The following SLC44A5 variants were observed in gnomAD, a reference collection of about 807,000 sequenced individuals.
SLC44A5 encodes the protein solute carrier family 44 member 5, also known as choline transporter-like protein 5.
SLC44A5 carries 57 observed loss-of-function variants against 101.8 expected under a neutral mutation model. The ratio of observed to expected loss-of-function variants is 0.56; its 90% CI spans 0.45 to 0.70. SLC44A5 has a LOEUF of 0.70. SLC44A5 is among the 30% of genes least tolerant of loss of function. The probability of loss-of-function intolerance (pLI) is 0.00; values close to 1 mark genes in which losing one functional copy is unlikely to be tolerated. For synonymous variants in SLC44A5, 281 were observed against 290.9 expected, an observed-to-expected ratio of 0.97 and a Z score of 0.35; for missense variants, 737 against 853.1, an observed-to-expected ratio of 0.86 and a Z score of 1.70.
chr1:75,285,890 G>C (rs549253970), intron 5 of SLC44A5, among the ~76,000 whole-genome samples: 3 of 151,902 alleles, frequency 2.0e-5, no homozygotes, highest in Admixed American at 6.6e-5. Flanking sequence ...GTGGCCTATC[G>C]TATGGTCTAT....
At chr1:75,654,434 A>G in the SLC44A5 span, among the ~76,000 whole-genome samples, 2 of 152,194 alleles carry the variant, frequency 1.3e-5, no homozygotes, top group Admixed American at 6.5e-5. Context: ...CATGTTGCAC[A>G]TTCCAAGCAC....
At chr1:75,415,964 T>A (rs1044359609) in intron 2 of SLC44A5, among the ~76,000 whole-genome samples, 1 of 152,098 alleles carries the variant, frequency 6.6e-6, no homozygotes, top group East Asian at 1.9e-4. Flanking sequence ...AAGCAGAGCA[T>A]AAAAGTTCAG....
chr1:75,456,689 T>G (rs1000827900), intron 2 of SLC44A5, among the ~76,000 whole-genome samples: 3 of 152,194 alleles, frequency 2.0e-5, no homozygotes, highest in African/African-American at 7.2e-5. Context: ...GTTTTATTGT[T>G]TTTAAGAATT....
intron 2 of SLC44A5, among the ~76,000 whole-genome samples, chr1:75,415,305 G>A (rs192969815): frequency 6.6e-6 from 1 of 152,110 alleles, no homozygotes; most frequent in Non-Finnish European, 1.5e-5. Flanking sequence ...TGGGACTGAC[G>A]AGATCTGATG....
chr1:75,722,271 C>T, the SLC44A5 span, among the ~76,000 whole-genome samples: 2 of 152,138 alleles, frequency 1.3e-5, no homozygotes, highest in East Asian at 1.9e-4. Context: ...AGTAGAGGTT[C>T]CTCTTCAAAT....
At chr1:75,221,902 G>A (rs1647089058) in intron 14 of SLC44A5, among the ~76,000 whole-genome samples, 1 of 151,460 alleles carries the variant, frequency 6.6e-6, no homozygotes, top group South Asian at 2.1e-4. Context: ...GTGACAGAGT[G>A]TGAACTTGAA....
chr1:75,205,508 CAT>C (rs1294330911), intron 23 of SLC44A5: 1 of 152,200 alleles, frequency 6.6e-6, no homozygotes, highest in Non-Finnish European at 1.5e-5. Flanking sequence ...AAAACTTACA[CAT>C]GACTATCAGA....
At chr1:75,535,951 G>T (rs1448669413) in intron 2 of SLC44A5, among the ~76,000 whole-genome samples, 1 of 151,328 alleles carries the variant, frequency 6.6e-6, no homozygotes, top group African/African-American at 2.4e-5. Context: ...GTCCATGCCT[G>T]TAATCTCAAC....
intron 2 of SLC44A5, among the ~76,000 whole-genome samples, chr1:75,447,824 GT>G (rs1271171212): frequency 6.6e-6 from 1 of 151,876 alleles, no homozygotes; most frequent in Admixed American, 6.6e-5. Flanking sequence ...ATATATCTAG[GT>G]TTCAGTAAGT....
At chr1:75,394,718 GCA>G (rs1347105702) in intron 3 of SLC44A5, among the ~76,000 whole-genome samples, 1 of 152,076 alleles carries the variant, frequency 6.6e-6, no homozygotes, top group Non-Finnish European at 1.5e-5. Flanking sequence ...CCCATTGTTA[GCA>G]CAGTTAAGCT....
rs537101168 is a variant in SLC44A5, at chr1:75,518,343, T to C, written c.13+23092A>G. 2.4e-4 allele frequency among the ~76,000 whole-genome samples: 36 copies of C among 152,348 alleles called. No individual in the cohort carries two copies. In the East Asian group the frequency reaches 6.9e-3, roughly 29 times the overall value. ...TATTTATAATACATATAAATAGGCA[T>C]ATATTGAATAATTTCTTTAGAGAAA... is the stretch of plus-strand genomic sequence containing the variant. On this transcript the variant is annotated intron_variant, in intron 2 of 23. Coordinates refer to ENST00000370859, the MANE Select transcript of SLC44A5 (RefSeq NM_001130058.2).
intron 6 of SLC44A5, among the ~76,000 whole-genome samples, chr1:75,261,635 T>C (rs942597031): frequency 6.6e-6 from 1 of 152,000 alleles, no homozygotes; most frequent in African/African-American, 2.4e-5. Flanking sequence ...TTTCAAACAA[T>C]AGAAAAAGAG....
At chr1:75,241,475 C>A (rs533455186) in intron 9 of SLC44A5, among the ~76,000 whole-genome samples, 22 of 152,096 alleles carry the variant, frequency 1.4e-4, no homozygotes, top group African/African-American at 5.3e-4. Flanking sequence ...CCACCTTGGC[C>A]TCCCAAAGTG....
chr1:75,291,709 G>C (rs1046453443), intron 5 of SLC44A5, among the ~76,000 whole-genome samples: 1 of 152,018 alleles, frequency 6.6e-6, no homozygotes, highest in Admixed American at 6.6e-5. Flanking sequence ...CCAGTGTGGT[G>C]CTTACACAGA....
At chr1:75,302,165 G>T (rs187156099) in intron 4 of SLC44A5, among the ~76,000 whole-genome samples, 1 of 97,834 alleles carries the variant, frequency 1.0e-5, no homozygotes, top group African/African-American at 4.2e-5. Context: ...GCAAAAACAC[G>T]CTTGGGTGTG....
chr1:75,692,185 C>CT, the SLC44A5 span, among the ~76,000 whole-genome samples: 6,961 of 84,616 alleles, frequency 0.082, 1,258 homozygotes, highest in African/African-American at 0.26. Flanking sequence ...AGATGGGATT[C>CT]TTTTTTTTTT....
chr1:75,590,058 G>A (rs1034234162), intron 1 of SLC44A5, among the ~76,000 whole-genome samples: 3 of 151,960 alleles, frequency 2.0e-5, no homozygotes, highest in Non-Finnish European at 2.9e-5. Flanking sequence ...AGTGGATTAG[G>A]GGGGCACACG....
At chr1:75,347,464 A>T (rs1208725844) in intron 3 of SLC44A5, among the ~76,000 whole-genome samples, 1 of 152,200 alleles carries the variant, frequency 6.6e-6, no homozygotes, top group Non-Finnish European at 1.5e-5. Context: ...TATCACATGG[A>T]TGCTTCTATT....
At chr1:75,322,403 A>G (rs1296734757) in intron 4 of SLC44A5, among the ~76,000 whole-genome samples, 1 of 152,116 alleles carries the variant, frequency 6.6e-6, no homozygotes, top group Non-Finnish European at 1.5e-5. Context: ...TTTTTAAAAA[A>G]AAAAAATCTC....
Sources: gnomAD v4.1 joint callset for allele counts (sites outside exome capture counted in the v4.1 genomes callset) on GRCh38, gnomAD v4.1.1 for gene constraint, MANE v1.5 for transcripts, NCBI Gene and HGNC (gene_info 2026-07-23, HGNC 2026-07-21) for gene names.